The following DGKB variants were observed in gnomAD, a reference collection of about 807,000 sequenced individuals.
The protein encoded by DGKB is diacylglycerol kinase beta, also known as 90 kDa diacylglycerol kinase.
A neutral mutation model predicts 114.3 loss-of-function variants in DGKB; 67 were observed. The observed-to-expected ratio is 0.59, with a 90% CI of 0.48 to 0.72. DGKB has a LOEUF of 0.72. DGKB is among the 30% of genes least tolerant of loss of function. The probability of loss-of-function intolerance (pLI) is 0.00; values close to 1 mark genes in which losing one functional copy is unlikely to be tolerated. For synonymous variants in DGKB, 398 were observed against 323.1 expected (o/e 1.23, Z -2.49); for missense variants, 907 against 975.2 (o/e 0.93, Z 0.93).
At chr7:14,423,168 T>C (rs558850953) in intron 21 of DGKB, among the ~76,000 whole-genome samples, 1 of 152,156 alleles carries the variant, frequency 6.6e-6, no homozygotes, top group African/African-American at 2.4e-5. Flanking sequence ...TGGAAAACTA[T>C]ACGGTAAGAT....
In DGKB at chr7:14,967,300, T is replaced by C. The variant is rs561372276; in HGVS notation, c.-188+7396A>G. Among the ~76,000 whole-genome samples the C allele has an allele frequency of 2.7e-5, 4 of 145,692 alleles. 1 individual carries two copies. Among genetic ancestry groups the C allele is most frequent in the African/African-American group, 1.1e-4 (4 of 37,904 alleles). ...CACATCCTAAAGAACAAGTGTTTCC[T>C]GACTTGATTTATTTTTATTTTTATT... On this transcript the variant is annotated intron_variant, in intron 1 of 4. Coordinates refer to the DGKB transcript ENST00000437998.
chr7:14,572,246 G>A (rs1208829667), intron 20 of DGKB, among the ~76,000 whole-genome samples: 4 of 150,516 alleles, frequency 2.7e-5, no homozygotes, highest in Admixed American at 6.6e-5. Flanking sequence ...GAGGTCAGGA[G>A]ATCCAGACCA....
At chr7:14,843,670 G>A (rs778622100) in intron 1 of DGKB, among the ~76,000 whole-genome samples, 2 of 152,192 alleles carry the variant, frequency 1.3e-5, no homozygotes, top group African/African-American at 4.8e-5. Context: ...AAGTGAGCCA[G>A]AATAAGTTTT....
chr7:14,392,995 G>GTTTTTTTTTTTTTTTTTTT (rs1554404748), intron 21 of DGKB, among the ~76,000 whole-genome samples: 21 of 60,542 alleles, frequency 3.5e-4, no homozygotes, highest in South Asian at 2.5e-3. Context: ...TTTTGTTTTT[G>GTTTTTTTTTTTTTTTTTTT]TTTTTTTTTT....
intron 23 of DGKB, among the ~76,000 whole-genome samples, chr7:14,285,660 G>A (rs1177067003): frequency 6.6e-6 from 1 of 152,052 alleles, no homozygotes; most frequent in Non-Finnish European, 1.5e-5. Flanking sequence ...ACACTAATAT[G>A]TGCCAAAGGA....
chr7:14,701,300 C>T (rs1403966000), intron 7 of DGKB, among the ~76,000 whole-genome samples: 3 of 152,146 alleles, frequency 2.0e-5, no homozygotes, highest in African/African-American at 7.2e-5. Context: ...CCTTAAAATT[C>T]TACTTATAGT....
chr7:14,414,719 T>A (rs893466853), intron 21 of DGKB, among the ~76,000 whole-genome samples: 1 of 152,128 alleles, frequency 6.6e-6, no homozygotes, highest in African/African-American at 2.4e-5. Flanking sequence ...TTGTAGGTCC[T>A]GTGTAAGTGA....
intron 17 of DGKB, among the ~76,000 whole-genome samples, chr7:14,584,830 T>C (rs973410305): frequency 1.3e-5 from 2 of 151,960 alleles, no homozygotes; most frequent in African/African-American, 4.8e-5. Flanking sequence ...TGGCTAATTT[T>C]TGTATTTTTA....
At chr7:14,675,532 A>G (rs1048353256) in intron 12 of DGKB, among the ~76,000 whole-genome samples, 4 of 151,972 alleles carry the variant, frequency 2.6e-5, no homozygotes, top group Non-Finnish European at 5.9e-5. Context: ...GCAACTCTGT[A>G]TATTGGGATT....
At chr7:14,571,174 G>T (rs1006446879) in intron 20 of DGKB, among the ~76,000 whole-genome samples, 1 of 152,164 alleles carries the variant, frequency 6.6e-6, no homozygotes, top group African/African-American at 2.4e-5. Context: ...TGTTTATTTA[G>T]GAAAAACTAC....
chr7:14,620,031 T>C (rs867897705), intron 15 of DGKB, among the ~76,000 whole-genome samples: 5 of 151,762 alleles, frequency 3.3e-5, no homozygotes, highest in Middle Eastern at 3.4e-3. Flanking sequence ...CATCCACGTA[T>C]TGAATTAAAA....
intron 21 of DGKB, among the ~76,000 whole-genome samples, chr7:14,465,468 A>C (rs1415586806): frequency 1.3e-5 from 2 of 152,156 alleles, no homozygotes; most frequent in Non-Finnish European, 2.9e-5. Context: ...GAAATGCCAG[A>C]TGGTGAGACT....
At chr7:14,602,717 G>C (rs991379029) in intron 17 of DGKB, among the ~76,000 whole-genome samples, 5 of 152,168 alleles carry the variant, frequency 3.3e-5, no homozygotes, top group African/African-American at 1.2e-4. Flanking sequence ...TCAGCTTCTA[G>C]AACTGTGAGA....
intron 17 of DGKB, among the ~76,000 whole-genome samples, chr7:14,606,120 T>C (rs1479614360): frequency 2.0e-5 from 3 of 152,142 alleles, no homozygotes; most frequent in Non-Finnish European, 4.4e-5. Flanking sequence ...AGCTACTTTT[T>C]TGAAGTCCAG....
chr7:14,302,980 T>C (rs1803824531), intron 23 of DGKB, among the ~76,000 whole-genome samples: 1 of 152,146 alleles, frequency 6.6e-6, no homozygotes, highest in Non-Finnish European at 1.5e-5. Context: ...TATTATACCA[T>C]GGGTGGTAGG....
chr7:14,667,006 G>C (rs186709748), intron 13 of DGKB, among the ~76,000 whole-genome samples: 11 of 152,030 alleles, frequency 7.2e-5, no homozygotes, highest in Admixed American at 6.6e-4. Flanking sequence ...CAGAGTAGTT[G>C]ATTTTAACCC....
intron 23 of DGKB, among the ~76,000 whole-genome samples, chr7:14,237,623 C>G (rs1411913911): frequency 1.3e-5 from 2 of 151,686 alleles, no homozygotes; most frequent in Admixed American, 1.3e-4. Context: ...ATAATTCATG[C>G]TTTTATTTTG....
chr7:14,438,956 G>T (rs1219395959), intron 21 of DGKB, among the ~76,000 whole-genome samples: 1 of 150,518 alleles, frequency 6.6e-6, no homozygotes, highest in Non-Finnish European at 1.5e-5. Flanking sequence ...AATCCTATAT[G>T]TGGGAAAATT....
intron 21 of DGKB, among the ~76,000 whole-genome samples, chr7:14,388,449 T>A (rs139829045): frequency 2.0e-3 from 304 of 148,368 alleles, no homozygotes; most frequent in African/African-American, 6.9e-3. Context: ...ATATATAAAA[T>A]ATATATATCT....
Sources: allele counts gnomAD v4.1 joint callset (sites outside exome capture counted in the v4.1 genomes callset), GRCh38; gene constraint gnomAD v4.1.1; transcripts MANE v1.5; gene names NCBI Gene and HGNC (gene_info 2026-07-23, HGNC 2026-07-21).